Variants in HGSNAT observed in about 807,000 individuals in gnomAD.
HGSNAT encodes heparan-alpha-glucosaminide N-acetyltransferase.
Under a neutral mutation model 85.2 loss-of-function variants are expected in HGSNAT, and 59 were observed. That is an observed-to-expected ratio of 0.69 (90% CI 0.56 to 0.86). The LOEUF is 0.86. Ranked by LOEUF, HGSNAT falls within the 40% of genes least tolerant of loss-of-function variation. The pLI is 0.00. For missense variants in HGSNAT, 756 were observed against 777.1 expected, an observed-to-expected ratio of 0.97 and a Z score of 0.32; for synonymous variants, 321 against 304.5, an observed-to-expected ratio of 1.05 and a Z score of -0.56.
intron 10 of HGSNAT, among the ~76,000 whole-genome samples, chr8:43,178,482 G>A (rs543965915): frequency 6.6e-6 from 1 of 151,978 alleles, no homozygotes; most frequent in Non-Finnish European, 1.5e-5. Flanking sequence ...GGCCAAGAGC[G>A]ATTGAAGGTT....
At chr8:43,170,330 A>G (rs1803574166) in intron 6 of HGSNAT, among the ~76,000 whole-genome samples, 1 of 152,024 alleles carries the variant, frequency 6.6e-6, no homozygotes, top group Non-Finnish European at 1.5e-5. Context: ...AAATACAAAA[A>G]TTAGCCGGAC....
intron 2 of HGSNAT, among the ~76,000 whole-genome samples, chr8:43,150,130 T>G (rs1212126618): frequency 1.3e-5 from 2 of 151,952 alleles, no homozygotes; most frequent in Non-Finnish European, 2.9e-5. Context: ...TAATTTTGTA[T>G]TTTTAGTAGA....
Position 43,182,142 on chromosome 8 carries a change from C to T in HGSNAT, c.1013-3C>T, listed in dbSNP as rs776210968. Reference sequence around the variant, plus strand: ...CACTTGACCTAACTTGTGTCTTTTGCAGTGTCTTGGGACAAGGTGCGCATT... The same window carrying T: ...CACTTGACCTAACTTGTGTCTTTTGTAGTGTCTTGGGACAAGGTGCGCATT... On this transcript the variant is annotated splice_polypyrimidine_tract_variant and splice_region_variant and intron_variant, in intron 10 of 17. Transcript: ENST00000379644. The T allele has an allele frequency of 1.9e-6, 3 of 1,609,812 alleles. No individual in the cohort carries two copies. Among genetic ancestry groups the T allele is most frequent in the African/African-American group, 2.7e-5 (2 of 74,972 alleles).
At chr8:43,193,019 G>A (rs574549015) in intron 13 of HGSNAT, among the ~76,000 whole-genome samples, 9 of 152,214 alleles carry the variant, frequency 5.9e-5, no homozygotes, top group Admixed American at 1.3e-4. Context: ...TGGGGGCACC[G>A]GGGTGGCGCT....
intron 1 of HGSNAT, among the ~76,000 whole-genome samples, chr8:43,141,191 C>A (rs963313702): frequency 3.9e-5 from 6 of 152,154 alleles, no homozygotes; most frequent in African/African-American, 1.4e-4. Context: ...GGTGAGGAAC[C>A]GCGGAGAAGG....
chr8:43,175,557 CTTTTTTTTTTTT>C (rs572939859), intron 9 of HGSNAT, among the ~76,000 whole-genome samples: 15 of 63,146 alleles, frequency 2.4e-4, no homozygotes, highest in South Asian at 1.1e-3. Flanking sequence ...CTTTTGTCCT[CTTTTTTTTTTTT>C]TTTTTTTTTT....
chr8:43,179,437 C>T (rs1161143152), intron 10 of HGSNAT, among the ~76,000 whole-genome samples: 8 of 100,678 alleles, frequency 7.9e-5, no homozygotes, highest in East Asian at 6.5e-4. Context: ...CCAGTAGGGG[C>T]GGCCGGGCAG....
At chr8:43,173,680 T>C (rs567681716) in intron 8 of HGSNAT, 33 bp from the exon 9 acceptor site, 1 of 1,610,018 alleles carries the variant, frequency 6.2e-7, no homozygotes, top group African/African-American at 1.3e-5. Context: ...TATTCTAGAG[T>C]CCTTTTGCTT....
chr8:43,156,595 G>A lies in HGSNAT; in HGVS notation c.235-1980G>A, dbSNP rs530874429. ...TTTTAGTTTTATTCCATTGTGGTCA[G>A]AAAAGATAATTGATATGATTTTGAT... On this transcript the variant is annotated intron_variant, in intron 2 of 17. Transcript: ENST00000379644. 8.5e-5 allele frequency among the ~76,000 whole-genome samples: 13 copies of A among 152,282 alleles called. No individual in the cohort carries two copies. The South Asian group carries it at 2.7e-3, about 32-fold the overall frequency.
intron 5 of HGSNAT, among the ~76,000 whole-genome samples, chr8:43,166,306 A>C (rs1484678537): frequency 6.6e-6 from 1 of 152,230 alleles, no homozygotes; most frequent in South Asian, 2.1e-4. Context: ...ACAGCCTTCT[A>C]TTGGAAGAAG....
intron 11 of HGSNAT, among the ~76,000 whole-genome samples, chr8:43,188,305 C>A (rs1278244949): frequency 1.3e-5 from 2 of 152,192 alleles, no homozygotes; most frequent in Non-Finnish European, 2.9e-5. Flanking sequence ...TTGATCTTTT[C>A]ACATAGTCCC....
At chr8:43,176,397 A>C (rs1185743906) in intron 9 of HGSNAT, among the ~76,000 whole-genome samples, 1 of 152,012 alleles carries the variant, frequency 6.6e-6, no homozygotes, top group Non-Finnish European at 1.5e-5. Context: ...ATTCTGTCCC[A>C]CTATCTATGT....
At chr8:43,183,458 T>A (rs1337900742) in intron 11 of HGSNAT, among the ~76,000 whole-genome samples, 1 of 151,290 alleles carries the variant, frequency 6.6e-6, no homozygotes, top group Non-Finnish European at 1.5e-5. Context: ...TGAGTCACCA[T>A]GCCTGGCCTC....
intron 11 of HGSNAT, among the ~76,000 whole-genome samples, chr8:43,186,570 T>G (rs750633179): frequency 4.6e-5 from 7 of 152,194 alleles, no homozygotes; most frequent in Non-Finnish European, 1.0e-4. Context: ...ATCAATTTTG[T>G]TGATCTTTTA....
intron 10 of HGSNAT, among the ~76,000 whole-genome samples, chr8:43,179,674 C>T (rs1586735759): frequency 1.0e-4 from 1 of 9,936 alleles, no homozygotes; most frequent in Admixed American, 7.4e-4. Flanking sequence ...GATCCCCCCA[C>T]CTCCCTCCCG....
chr8:43,195,025 T>C (rs1482596320), intron 14 of HGSNAT, among the ~76,000 whole-genome samples: 4 of 152,148 alleles, frequency 2.6e-5, no homozygotes, highest in Non-Finnish European at 4.4e-5. Context: ...CCAGGGTCGC[T>C]GTTGAGCATT....
At chr8:43,176,945 G>C (rs1345948173) in intron 9 of HGSNAT, among the ~76,000 whole-genome samples, 1 of 152,136 alleles carries the variant, frequency 6.6e-6, no homozygotes, top group Non-Finnish European at 1.5e-5. Flanking sequence ...TAGTTTTCTG[G>C]TGGAGTCTAG....
intron 14 of HGSNAT, among the ~76,000 whole-genome samples, chr8:43,195,132 TGG>T (rs1306600941): frequency 1.3e-5 from 2 of 152,162 alleles, no homozygotes; most frequent in East Asian, 3.9e-4. Context: ...GTTCGGCTGT[TGG>T]GTAGTGCAGA....
At chr8:43,179,485 A>G (rs1356820795) in intron 10 of HGSNAT, among the ~76,000 whole-genome samples, 1 of 74,232 alleles carries the variant, frequency 1.3e-5, no homozygotes, top group South Asian at 6.0e-4. Flanking sequence ...GGCCGGCCGG[A>G]AGGGGGGCTG....
Sources: allele counts gnomAD v4.1 joint callset (sites outside exome capture counted in the v4.1 genomes callset), GRCh38; gene constraint gnomAD v4.1.1; transcripts MANE v1.5; gene names NCBI Gene and HGNC (gene_info 2026-07-23, HGNC 2026-07-21).